The following MRTFB variants were observed in gnomAD, a reference collection of about 807,000 sequenced individuals.
MRTFB encodes the protein myocardin-related transcription factor B.
A neutral mutation model predicts 104.2 loss-of-function variants in MRTFB; 29 were observed. The ratio of observed to expected loss-of-function variants is 0.28; its 90% CI spans 0.21 to 0.38. The LOEUF (loss-of-function observed/expected upper bound fraction) is 0.38. MRTFB is among the 10% of genes least tolerant of loss of function. MRTFB has a pLI of 1.00. For synonymous variants in MRTFB, 535 were observed against 519.5 expected, an observed-to-expected ratio of 1.03 and a Z score of -0.41; for missense variants, 1,270 against 1,341.6, an observed-to-expected ratio of 0.95 and a Z score of 0.83.
chr16:14,008,415 T>C, the MRTFB span, among the ~76,000 whole-genome samples: 1 of 152,244 alleles, frequency 6.6e-6, no homozygotes, highest in Non-Finnish European at 1.5e-5. Context: ...CTTCATTCTT[T>C]TGAATGTAGC....
At chr16:14,089,053 TA>T (rs1322532852) in intron 2 of MRTFB, among the ~76,000 whole-genome samples, 1 of 152,232 alleles carries the variant, frequency 6.6e-6, no homozygotes, top group Non-Finnish European at 1.5e-5. Context: ...TGTGTGTTTT[TA>T]CAACAGGTTA....
In MRTFB at chr16:14,240,841, G is replaced by A. The variant is rs761610354; in HGVS notation, c.1079+357G>A. 6 of 663,190 alleles carry A rather than the reference G, an allele frequency of 9.0e-6. No individual in the cohort carries two copies. In the East Asian group the frequency reaches 1.6e-4, roughly 17 times the overall value. The allele number at this position is 663,190 out of a possible 1,614,324, so 41.1% of individuals were successfully genotyped here. A position where few individuals can be genotyped will look rare whatever the true frequency, so the allele number is the denominator to read the frequency against. ...AAACAGCTAAAAGAAGAGAAGGATG[G>A]GCATGAAAGCTGGAGTGGTCAAAGG... On this transcript the variant is annotated intron_variant, in intron 10 of 16. Transcript: ENST00000571589.
At chr16:14,254,628 TA>T (rs1428864219) in intron 15 of MRTFB, among the ~76,000 whole-genome samples, 2 of 152,246 alleles carry the variant, frequency 1.3e-5, no homozygotes, top group African/African-American at 4.8e-5. Flanking sequence ...ACAAAAGATC[TA>T]AAGTGAGATT....
At chr16:14,060,405 A>G in the MRTFB span, among the ~76,000 whole-genome samples, 2 of 152,232 alleles carry the variant, frequency 1.3e-5, no homozygotes, top group African/African-American at 2.4e-5. Context: ...AAACACATCT[A>G]TTTTTATTAC....
intron 15 of MRTFB, among the ~76,000 whole-genome samples, chr16:14,253,904 C>T (rs2043362233): frequency 6.6e-6 from 1 of 152,256 alleles, no homozygotes; most frequent in South Asian, 2.1e-4. Flanking sequence ...CTGGACTACA[C>T]TCCTCCCTCA....
At chr16:14,240,923 C>G in intron 10 of MRTFB, 1 of 609,242 alleles carries the variant, frequency 1.6e-6, no homozygotes, top group Non-Finnish European at 2.9e-6. Flanking sequence ...AAGGGCCTTT[C>G]CAGGCACAGG....
chr16:14,203,570 C>A (rs759041246), intron 3 of MRTFB, among the ~76,000 whole-genome samples: 1 of 151,920 alleles, frequency 6.6e-6, no homozygotes, highest in Non-Finnish European at 1.5e-5. Flanking sequence ...GGGAGGCCAA[C>A]GCGGATGGAA....
At chr16:14,157,552 G>C (rs930306900) in intron 3 of MRTFB, among the ~76,000 whole-genome samples, 1 of 152,206 alleles carries the variant, frequency 6.6e-6, no homozygotes, top group African/African-American at 2.4e-5. Context: ...CTGTCTCACA[G>C]TTGCTGAGAA....
At chr16:14,050,568 C>T in the MRTFB span, among the ~76,000 whole-genome samples, 1 of 152,040 alleles carries the variant, frequency 6.6e-6, no homozygotes. Flanking sequence ...GCTTAAACAG[C>T]ATAGCAAGAA....
chr16:14,247,621 C>A (rs549513187), intron 12 of MRTFB, 114 bp downstream of exon 12: 2 of 902,934 alleles, frequency 2.2e-6, no homozygotes, highest in African/African-American at 1.7e-5. Flanking sequence ...GCAGACCCCA[C>A]GGAGAAAACG....
Position 14,210,235 on chromosome 16 carries a change from T to G in MRTFB, c.155-8T>G, listed in dbSNP as rs749882044. 1.2e-6 allele frequency: 2 copies of G among 1,611,884 alleles called. No homozygotes were observed. The highest frequency in any genetic ancestry group is 2.2e-5 in the South Asian group (2 of 90,608). ...TAAACTCCAATGGTGATTATTTCCT[T>G]TTCACAGTGCTCCAGCTGAGGCTGC... On this transcript the variant is annotated splice_region_variant and splice_polypyrimidine_tract_variant and intron_variant, in intron 3 of 16. Transcript: ENST00000571589.
At chr16:14,095,829 A>G (rs1229126013) in intron 2 of MRTFB, among the ~76,000 whole-genome samples, 1 of 152,246 alleles carries the variant, frequency 6.6e-6, no homozygotes. Context: ...TTTTGTTTTC[A>G]TGATTATTGC....
At chr16:13,995,995 G>A in the MRTFB span, among the ~76,000 whole-genome samples, 3 of 152,136 alleles carry the variant, frequency 2.0e-5, no homozygotes, top group Non-Finnish European at 4.4e-5. Flanking sequence ...CAGGCAGCCG[G>A]GCACGGTGGC....
intron 10 of MRTFB, 90 bp from the exon 11 acceptor site, chr16:14,245,438 T>C (rs1400145614): frequency 2.7e-6 from 3 of 1,119,914 alleles, no homozygotes; most frequent in Non-Finnish European, 3.8e-6. Flanking sequence ...GGTATTTTTC[T>C]CTTCATAAGT....
chr16:14,163,511 A>G (rs771861054), intron 3 of MRTFB, among the ~76,000 whole-genome samples: 64 of 152,148 alleles, frequency 4.2e-4, no homozygotes, highest in Admixed American at 7.9e-4. Flanking sequence ...ATTTTTCCAA[A>G]TAGTTCACAT....
chr16:14,178,440 A>C (rs1038839770), intron 3 of MRTFB, among the ~76,000 whole-genome samples: 11 of 152,250 alleles, frequency 7.2e-5, no homozygotes, highest in African/African-American at 2.7e-4. Context: ...GCATGACTTC[A>C]TACTGGATTT....
chr16:14,105,280 T>C (rs2035910025), intron 2 of MRTFB, among the ~76,000 whole-genome samples: 1 of 152,220 alleles, frequency 6.6e-6, no homozygotes, highest in African/African-American at 2.4e-5. Flanking sequence ...CTTTGTCTCT[T>C]TCCTAAATTG....
intron 8 of MRTFB, among the ~76,000 whole-genome samples, chr16:14,227,951 T>TAAAAAAA (rs369511525): frequency 9.8e-4 from 132 of 134,568 alleles, no homozygotes; most frequent in African/African-American, 3.1e-3. Flanking sequence ...CAGTCTATCT[T>TAAAAAAA]AAAAAAAAAA....
chr16:14,154,008 T>C (rs2038731673), intron 3 of MRTFB, among the ~76,000 whole-genome samples: 1 of 152,252 alleles, frequency 6.6e-6, no homozygotes, highest in Non-Finnish European at 1.5e-5. Flanking sequence ...CTCATGCTTT[T>C]ACCTTTAACC....
Sources: allele counts gnomAD v4.1 joint callset (sites outside exome capture counted in the v4.1 genomes callset), GRCh38; gene constraint gnomAD v4.1.1; transcripts MANE v1.5; gene names NCBI Gene and HGNC (gene_info 2026-07-23, HGNC 2026-07-21).